Variants in FBXW8 observed in about 807,000 individuals in gnomAD.
FBXW8 encodes the protein F-box and WD repeat domain containing 8.
Under a neutral mutation model 65.3 loss-of-function variants are expected in FBXW8, and 57 were observed. The observed-to-expected ratio is 0.87, with a 90% CI of 0.71 to 1.09. The LOEUF (loss-of-function observed/expected upper bound fraction) is 1.09. Among genes scored for constraint, FBXW8 ranks in the 50% least tolerant of loss-of-function variants. The pLI, the probability that FBXW8 is intolerant of heterozygous loss-of-function variation, is 0.00. For missense variants in FBXW8, 777 were observed against 814.8 expected, an observed-to-expected ratio of 0.95 and a Z score of 0.57; for synonymous variants, 308 against 330.2, an observed-to-expected ratio of 0.93 and a Z score of 0.73.
chr12:116,965,875 C>T (rs1032425818), intron 5 of FBXW8, among the ~76,000 whole-genome samples: 3 of 151,888 alleles, frequency 2.0e-5, no homozygotes, highest in Admixed American at 1.3e-4. Context: ...CCTCCCACCT[C>T]AGTCTCCTGA....
intron 7 of FBXW8, among the ~76,000 whole-genome samples, chr12:117,010,064 T>C (rs2135708932): frequency 6.6e-6 from 1 of 152,350 alleles, no homozygotes; most frequent in South Asian, 2.1e-4. Context: ...TGCGTTTTCC[T>C]TGTGGCCTGA....
Position 116,964,870 on chromosome 12 carries a change from C to A in FBXW8, c.835+16C>A. ...TATGAGGATGGTAAGTAACCACAAC[C>A]CTCCTCCCTATTAAGGAAAAAAAAA... On this transcript the variant is annotated intron_variant, in intron 5 of 10. Transcript: ENST00000652555. 6.4e-7 allele frequency: 1 copy of A among 1,568,708 alleles called. No homozygotes were observed. The highest frequency in any genetic ancestry group is 8.6e-7 in the Non-Finnish European group (1 of 1,162,816).
intron 6 of FBXW8, chr12:116,985,661 C>A: frequency 2.6e-6 from 1 of 391,080 alleles, no homozygotes; most frequent in Non-Finnish European, 4.6e-6. Flanking sequence ...AACCTCAGGG[C>A]TGACTTCAGG....
intron 7 of FBXW8, among the ~76,000 whole-genome samples, chr12:117,008,653 T>C (rs1953732732): frequency 6.6e-6 from 1 of 152,246 alleles, no homozygotes; most frequent in African/African-American, 2.4e-5. Flanking sequence ...ATTTTCAAGG[T>C]AGAGAATATT....
At chr12:117,018,503 G>A (rs1217165506) in intron 8 of FBXW8, among the ~76,000 whole-genome samples, 1 of 152,250 alleles carries the variant, frequency 6.6e-6, no homozygotes, top group African/African-American at 2.4e-5. Context: ...GGCCTGTGCT[G>A]CGCGCTGTCA....
intron 4 of FBXW8, among the ~76,000 whole-genome samples, chr12:116,957,354 T>G (rs1455816180): frequency 6.6e-6 from 1 of 152,186 alleles, no homozygotes; most frequent in Non-Finnish European, 1.5e-5. Context: ...AAAAAATTTT[T>G]TTTTAAAAAA....
At chr12:116,969,178 A>G (rs1646505359) in intron 5 of FBXW8, among the ~76,000 whole-genome samples, 1 of 152,158 alleles carries the variant, frequency 6.6e-6, no homozygotes. Flanking sequence ...GCCTGGGTAA[A>G]ATCTATAAGT....
intron 1 of FBXW8, among the ~76,000 whole-genome samples, chr12:116,913,041 C>G (rs1035263400): frequency 2.0e-5 from 3 of 152,154 alleles, no homozygotes; most frequent in Non-Finnish European, 2.9e-5. Context: ...TTTTCAACTC[C>G]AAGTTTCACC....
At chr12:117,008,475 A>G (rs995599510) in intron 7 of FBXW8, among the ~76,000 whole-genome samples, 3 of 152,148 alleles carry the variant, frequency 2.0e-5, no homozygotes, top group South Asian at 2.1e-4. Context: ...TTCAACTGCA[A>G]TTGTTCTCTG....
intron 7 of FBXW8, among the ~76,000 whole-genome samples, chr12:116,993,744 G>C (rs1411038421): frequency 6.6e-6 from 1 of 152,066 alleles, no homozygotes; most frequent in Non-Finnish European, 1.5e-5. Flanking sequence ...AAACTTTTTA[G>C]TTTAATTAGG....
intron 2 of FBXW8, among the ~76,000 whole-genome samples, chr12:116,944,055 C>T (rs1436521179): frequency 9.9e-5 from 15 of 152,116 alleles, no homozygotes; most frequent in Non-Finnish European, 2.9e-5. Context: ...GCTAGGCTGC[C>T]GGTTTTTACA....
In FBXW8 at chr12:117,028,253, A is replaced by T; in HGVS notation, c.*81A>T. On this transcript the variant is annotated 3_prime_UTR_variant, in exon 11 of 11. Transcript: ENST00000652555. This position sits in a 1 kb window ranked among gnomAD's most constrained non-coding sequence, Gnocchi z 4.1. Reference sequence around the variant, plus strand: ...CTTAAAACGCCAGGCACCTCTTCACAGGTGGTAAACATTTAGGGGAAGAAA... The same window carrying T: ...CTTAAAACGCCAGGCACCTCTTCACTGGTGGTAAACATTTAGGGGAAGAAA... 6.5e-7 allele frequency: 1 copy of T among 1,545,212 alleles called. No individual in the cohort carries two copies. Among genetic ancestry groups the T allele is most frequent in the Non-Finnish European group, 8.8e-7 (1 of 1,138,052 alleles).
intron 8 of FBXW8, among the ~76,000 whole-genome samples, chr12:117,011,634 G>A (rs1953820852): frequency 6.6e-6 from 1 of 152,092 alleles, no homozygotes; most frequent in African/African-American, 2.4e-5. Flanking sequence ...TAGTTTTCAG[G>A]TTGAGCTATA....
chr12:116,912,183 T>TC (rs1374289729), intron 1 of FBXW8, among the ~76,000 whole-genome samples: 6 of 148,026 alleles, frequency 4.1e-5, no homozygotes, highest in African/African-American at 1.5e-4. Context: ...TTTTTTTTTT[T>TC]TTTCTTTCTT....
rs527952599 is a variant in FBXW8, at chr12:117,025,195, G to A, written c.1541+875G>A. ...TTGCTGCCCTCAGCACCACTGTGAA[G>A]AGACATTCGGCCAGACACGTGGCTC... On this transcript the variant is annotated intron_variant, in intron 9 of 10. Transcript: ENST00000652555. 2.0e-5 allele frequency among the ~76,000 whole-genome samples: 3 copies of A among 152,334 alleles called. No homozygotes were observed. The East Asian group carries it at 5.8e-4, about 29-fold the overall frequency.
At chr12:116,916,029 T>C (rs1175731147) in intron 1 of FBXW8, among the ~76,000 whole-genome samples, 1 of 152,162 alleles carries the variant, frequency 6.6e-6, no homozygotes, top group African/African-American at 2.4e-5. Context: ...CACATACTCA[T>C]GTGTCTTTGA....
At chr12:117,026,425 G>A (rs1398203869) in intron 9 of FBXW8, among the ~76,000 whole-genome samples, 2 of 152,060 alleles carry the variant, frequency 1.3e-5, no homozygotes, top group East Asian at 3.9e-4. Context: ...CCCTTCCCGG[G>A]TCTTTCTCAT....
At position 116,988,731 on chromosome 12, in the gene FBXW8, G is replaced by A. The variant is rs1953160886; in HGVS notation, c.1101G>A (p.Leu367=). The part of the protein sequence containing the change: ...YPVAVAAAGD[L]MYLLKAEDSA... ...TGGCAGTAGCCGCTGCTGGAGATCT[G>A]ATGTACCTGCTCAAAGCCGAAGACT... is the stretch of plus-strand genomic sequence containing the variant. Residue 367 remains leucine, a synonymous_variant, in exon 7 of 11, where the codon CTG becomes CTA. Coordinates refer to ENST00000652555, the MANE Select transcript of FBXW8 (RefSeq NM_153348.3). 2.5e-6 allele frequency: 4 copies of A among 1,614,030 alleles called. No individual in the cohort carries two copies. Among genetic ancestry groups the A allele is most frequent in the Non-Finnish European group, 3.4e-6 (4 of 1,180,044 alleles).
Position 116,988,895 on chromosome 12 carries a change from T to A in FBXW8, c.1239+26T>A, listed in dbSNP as rs761332150. ...GTACACAACTAGCAAGATATATAAT[T>A]AACAAAAAAGAATATAGATTTATTT... On this transcript the variant is annotated intron_variant, in intron 7 of 10. Coordinates refer to ENST00000652555, the MANE Select transcript of FBXW8 (RefSeq NM_153348.3). 3.8e-6 allele frequency: 6 copies of A among 1,580,198 alleles called. No individual in the cohort carries two copies. The Admixed American group carries it at 5.2e-5, about 14-fold the overall frequency.
Sources: gnomAD v4.1 joint callset for allele counts (sites outside exome capture counted in the v4.1 genomes callset) on GRCh38, gnomAD v4.1.1 for gene constraint, Gnocchi (gnomAD v3.1) non-coding constraint, MANE v1.5 for transcripts, NCBI Gene and HGNC (gene_info 2026-07-23, HGNC 2026-07-21) for gene names.